EIF3G: variants seen among roughly 807,000 people sequenced by gnomAD.
EIF3G encodes the protein eukaryotic translation initiation factor 3 RNA-binding subunit.
A neutral mutation model predicts 41.7 loss-of-function variants in EIF3G; 10 were observed. The ratio of observed to expected loss-of-function variants is 0.24; its 90% CI spans 0.15 to 0.41. EIF3G has a LOEUF of 0.41. Among genes scored for constraint, EIF3G ranks in the 10% least tolerant of loss-of-function variants. The pLI, the probability that EIF3G is intolerant of heterozygous loss-of-function variation, is 1.00. For synonymous variants in EIF3G, 204 were observed against 172.5 expected, an observed-to-expected ratio of 1.18 and a Z score of -1.43; for missense variants, 297 against 444.0, an observed-to-expected ratio of 0.67 and a Z score of 2.98.
chr19:10,115,605 G>A lies in EIF3G; in HGVS notation c.841-20C>T. The A allele has an allele frequency of 1.2e-6, 2 of 1,611,942 alleles. No homozygotes were observed. The highest frequency in any genetic ancestry group is 1.7e-5 in the Admixed American group (1 of 59,960). On this transcript the variant is annotated intron_variant, in intron 9 of 10. Transcript: ENST00000253108. ...AAAGCCCTGTGGAGGGGCGGGATGG[G>A]GTCGGGCACGAGCTAGGACAGGCGA...
At chr19:10,118,564 CAAAAAAAA>C (rs61403454) in intron 5 of EIF3G, 96 bp downstream of exon 5, 7 of 913,846 alleles carry the variant, frequency 7.7e-6, no homozygotes, top group Non-Finnish European at 7.9e-6. Flanking sequence ...CACTCTGTCT[CAAAAAAAA>C]AAAAAAAAAA....
chr19:10,115,663 C>T (rs763721672), intron 9 of EIF3G, 21 bp downstream of exon 9: 10 of 1,587,780 alleles, frequency 6.3e-6, no homozygotes, highest in South Asian at 1.1e-5. Context: ...ACAGCCCCAC[C>T]GTGCCTGCCT....
chr19:10,115,196 G>A (rs1007608707), intron 10 of EIF3G, 67 bp from the exon 11 acceptor site: 54 of 1,589,304 alleles, frequency 3.4e-5, no homozygotes, highest in Non-Finnish European at 4.6e-5. Context: ...ACACCCAAGT[G>A]GCATCTTGGG....
Position 10,115,622 on chromosome 19 carries a change from G to A in EIF3G, c.841-37C>T, listed in dbSNP as rs778907220. ...CGGGATGGGGTCGGGCACGAGCTAG[G>A]ACAGGCGACCCTAGGACAAGTGACC... On this transcript the variant is annotated intron_variant, in intron 9 of 10. Transcript: ENST00000253108. 7 of 1,612,186 alleles carry A rather than the reference G, an allele frequency of 4.3e-6. No individual in the cohort carries two copies. The African/African-American group carries it at 8.0e-5, about 18-fold the overall frequency.
Position 10,116,837 on chromosome 19 carries a change from C to T in EIF3G, c.558G>A (p.Leu186=). ...GPMQKELAEQ[L]GLSTGEKEKL... ...TCTCCTTCTCGCCAGTAGACAGGCCCAGCTGCTCGGCCAGCTCCTTCTGCA... is the reference window on the plus strand; with the variant it reads ...TCTCCTTCTCGCCAGTAGACAGGCCTAGCTGCTCGGCCAGCTCCTTCTGCA... Residue 186 remains leucine, a synonymous_variant, in exon 7 of 11, where the codon CTG becomes CTA. Coordinates refer to ENST00000253108, the MANE Select transcript of EIF3G (RefSeq NM_003755.5). This position sits in a 1 kb window ranked among gnomAD's most constrained non-coding sequence, Gnocchi z 4.1. 1.9e-6 allele frequency: 3 copies of T among 1,608,896 alleles called. No individual in the cohort carries two copies. The highest frequency in any genetic ancestry group is 2.5e-6 in the Non-Finnish European group (3 of 1,176,698).
rs746516276 is a variant in EIF3G, at chr19:10,116,785, C to T, written c.595+15G>A. The T allele has an allele frequency of 6.4e-7, 1 of 1,560,862 alleles. No individual in the cohort carries two copies. Among genetic ancestry groups the T allele is most frequent in the Non-Finnish European group, 8.7e-7 (1 of 1,151,898 alleles). Reference sequence around the variant, plus strand: ...GAACCCGTGCACTGACAGCAGGACCCTCCCACCCCCACACCTCCCGGCAGC... The same window carrying T: ...GAACCCGTGCACTGACAGCAGGACCTTCCCACCCCCACACCTCCCGGCAGC... On this transcript the variant is annotated intron_variant, in intron 7 of 10. Transcript: ENST00000253108. The surrounding 1 kb of genome is among the most constrained non-coding windows in gnomAD (Gnocchi z 4.1).
Position 10,119,883 on chromosome 19 carries a change from C to A in EIF3G, c.-24G>T. The A allele has an allele frequency of 1.2e-6, 2 of 1,614,174 alleles. No homozygotes were observed. Among genetic ancestry groups the A allele is most frequent in the Non-Finnish European group, 1.7e-6 (2 of 1,180,044 alleles). Reference sequence around the variant, plus strand: ...ATCGCAAAAAGTATTCTCCACGCAGCCCAAGCCCGGCCAGAGAGCGGAAGC... The same window carrying A: ...ATCGCAAAAAGTATTCTCCACGCAGACCAAGCCCGGCCAGAGAGCGGAAGC... On this transcript the variant is annotated 5_prime_UTR_variant, in exon 1 of 11. Coordinates refer to ENST00000253108, the MANE Select transcript of EIF3G (RefSeq NM_003755.5).
Position 10,115,897 on chromosome 19 carries a change from A to G in EIF3G, c.703+70T>C, listed in dbSNP as rs542533375. On this transcript the variant is annotated intron_variant, in intron 8 of 10. Transcript: ENST00000253108. ...CGTGTGCTGCCCAGCCCTCGTGTGC[A>G]CGCTTCGGGGATAATTACGAGGTGC... 198 of 1,603,998 alleles carry G rather than the reference A, an allele frequency of 1.2e-4. 1 individual carries two copies. The South Asian group carries it at 1.9e-3, about 15-fold the overall frequency.
At position 10,116,304 on chromosome 19, in the gene EIF3G, C is replaced by T. The variant is rs1599325677; in HGVS notation, c.596-230G>A. Reference sequence around the variant, plus strand: ...AGGAGGAGGAGGAGCCCCGACCCCACCCCAGAGAGGGCGGGAGGACAACAG... The same window carrying T: ...AGGAGGAGGAGGAGCCCCGACCCCATCCCAGAGAGGGCGGGAGGACAACAG... On this transcript the variant is annotated intron_variant, in intron 7 of 10. Coordinates refer to ENST00000253108, the MANE Select transcript of EIF3G (RefSeq NM_003755.5). This position sits in a 1 kb window ranked among gnomAD's most constrained non-coding sequence, Gnocchi z 4.1. 5.1e-6 allele frequency: 3 copies of T among 587,374 alleles called. No individual in the cohort carries two copies. Among genetic ancestry groups the T allele is most frequent in the East Asian group, 5.7e-5 (2 of 35,084 alleles). 36.4% of individuals were successfully genotyped at this position (587,374 alleles called of 1,614,324 possible).
chr19:10,119,744 G>A (rs2089290276), intron 1 of EIF3G, 44 bp from the exon 2 acceptor site: 1 of 1,612,900 alleles, frequency 6.2e-7, no homozygotes, highest in Admixed American at 1.7e-5. Flanking sequence ...AGTCAGCCAG[G>A]CCCGGCTCCC....
intron 5 of EIF3G, chr19:10,117,688 T>G (rs2145229308): frequency 6.5e-6 from 1 of 153,328 alleles, no homozygotes; most frequent in African/African-American, 2.4e-5. Context: ...TACTTATTGC[T>G]AACGCTTCTT....
chr19:10,115,087 C>T lies in EIF3G; in HGVS notation c.*27G>A, dbSNP rs374059230. On this transcript the variant is annotated 3_prime_UTR_variant, in exon 11 of 11. Coordinates refer to ENST00000253108, the MANE Select transcript of EIF3G (RefSeq NM_003755.5). The stretch of plus-strand genomic sequence containing the variant: ...GGCTGTCTTCTGTCGCCAAGGGTCC[C>T]GGACCGAGTACACAGTGGCAGCTGG... The T allele has an allele frequency of 1.2e-4, 187 of 1,613,734 alleles. 1 individual carries two copies. The highest frequency in any genetic ancestry group is 1.2e-3 in the Middle Eastern group (7 of 6,084).
chr19:10,115,166 G>GGGGCACCCCAAGACCCC lies in EIF3G; in HGVS notation c.948-54_948-38dup, dbSNP rs1390218717. The GGGGCACCCCAAGACCCC allele has an allele frequency of 1.1e-5, 17 of 1,612,246 alleles. No individual in the cohort carries two copies. The Admixed American group carries it at 2.5e-4, about 24-fold the overall frequency. On this transcript the variant is annotated intron_variant, in intron 10 of 10. Coordinates refer to ENST00000253108, the MANE Select transcript of EIF3G (RefSeq NM_003755.5). ...GAGGGTGGCAGGTATAAGACTTCTG[G>GGGGCACCCCAAGACCCC]GGGCACCCCAAGACCCCAGACACCC...
rs1229010990 is a variant in EIF3G, at chr19:10,119,717, G to A, written c.21-17C>T. ...GGCTTCGAACTGCGGAAACAAATGTGTGGGGAACGAAGATTAAGTCAGCCA... is the reference window on the plus strand; with the variant it reads ...GGCTTCGAACTGCGGAAACAAATGTATGGGGAACGAAGATTAAGTCAGCCA... On this transcript the variant is annotated splice_polypyrimidine_tract_variant and intron_variant, in intron 1 of 10. Transcript: ENST00000253108. 6.2e-7 allele frequency: 1 copy of A among 1,610,950 alleles called. No individual in the cohort carries two copies. Among genetic ancestry groups the A allele is most frequent in the South Asian group, 1.1e-5 (1 of 90,990 alleles).
At position 10,119,651 on chromosome 19, in the gene EIF3G, T is replaced by C. The variant is rs2089289528; in HGVS notation, c.67+3A>G. The C allele has an allele frequency of 6.4e-7, 1 of 1,571,146 alleles. No homozygotes were observed. The highest frequency in any genetic ancestry group is 2.2e-5 in the East Asian group (1 of 44,508). On this transcript the variant is annotated splice_donor_region_variant and intron_variant, in intron 2 of 10. Transcript: ENST00000253108. The stretch of plus-strand genomic sequence containing the variant: ...AATACCCCGGGCGACCGTGTACACT[T>C]ACCGTCCTCCCCCTCCTCCTCCACC...
In EIF3G at chr19:10,116,394, TC is replaced by T; in HGVS notation, c.596-321del. 1 of 497,464 alleles carries T rather than the reference TC, an allele frequency of 2.0e-6. No homozygotes were observed. 30.8% of individuals were successfully genotyped at this position (497,464 alleles called of 1,614,324 possible). The stretch of plus-strand genomic sequence containing the variant: ...ACACACAACAGGAACAGCGCCCAGG[TC>T]CCCCTCGCGTGGCAGGCGACAAGTG... On this transcript the variant is annotated intron_variant, in intron 7 of 10. Transcript: ENST00000253108. This position sits in a 1 kb window ranked among gnomAD's most constrained non-coding sequence, Gnocchi z 4.1.
chr19:10,117,495 C>T, intron 5 of EIF3G: 1 of 317,258 alleles, frequency 3.2e-6, no homozygotes, highest in Non-Finnish European at 5.8e-6. Flanking sequence ...TGCAGGGGTC[C>T]ACCTAGACCT....
At position 10,115,088 on chromosome 19, in the gene EIF3G, G is replaced by C. The variant is rs200069826; in HGVS notation, c.*26C>G. On this transcript the variant is annotated 3_prime_UTR_variant, in exon 11 of 11. Coordinates refer to ENST00000253108, the MANE Select transcript of EIF3G (RefSeq NM_003755.5). ...GCTGTCTTCTGTCGCCAAGGGTCCC[G>C]GACCGAGTACACAGTGGCAGCTGGC... 1 of 1,613,908 alleles carries C rather than the reference G, an allele frequency of 6.2e-7. No individual in the cohort carries two copies. Among genetic ancestry groups the C allele is most frequent in the Non-Finnish European group, 8.5e-7 (1 of 1,179,980 alleles).
rs765674958 is a variant in EIF3G at position 10,119,403 on chromosome 19, G to A, written c.68-232C>T. On this transcript the variant is annotated intron_variant, in intron 2 of 10. Transcript: ENST00000253108. ...AGGCCATGAAGCCAACCAGGCGCCA[G>A]TAGAGAAACAGGAGACGGGAGATTA... 4.0e-6 allele frequency: 3 copies of A among 747,098 alleles called. No individual in the cohort carries two copies. In the African/African-American group the frequency reaches 5.2e-5, roughly 13 times the overall value. The allele number at this position is 747,098 out of a possible 1,614,324, so 46.3% of individuals were successfully genotyped here. A position where few individuals can be genotyped will look rare whatever the true frequency, so the allele number is the denominator to read the frequency against.
Sources: gnomAD v4.1 joint callset for allele counts on GRCh38, gnomAD v4.1.1 for gene constraint, Gnocchi (gnomAD v3.1) non-coding constraint, MANE v1.5 for transcripts, NCBI Gene and HGNC (gene_info 2026-07-23, HGNC 2026-07-21) for gene names.